Variants in ORC3 observed in about 807,000 individuals in gnomAD.
ORC3 encodes the protein homolog of latheo, Drosophila.
In ORC3, 78 loss-of-function variants were observed where a neutral mutation model predicts 100.7. The ratio of observed to expected loss-of-function variants is 0.77; its 90% confidence interval spans 0.65 to 0.94. The LOEUF (loss-of-function observed/expected upper bound fraction) is 0.94, where lower values mean the gene tolerates loss of function less well. ORC3 is among the 40% of genes least tolerant of loss of function. ORC3 has a pLI of 0.00. For missense variants in ORC3, 789 were observed against 823.9 expected (o/e 0.96, Z 0.52); for synonymous variants, 295 against 289.3 (o/e 1.02, Z -0.20).
At chr6:87,605,649 CAAA>C (rs936455645) in intron 4 of ORC3, among the ~76,000 whole-genome samples, 2 of 115,232 alleles carry the variant, frequency 1.7e-5, no homozygotes, top group Non-Finnish European at 3.7e-5. Context: ...GATTCTGTCT[CAAA>C]AAAAAAAAAA....
At chr6:87,620,764 G>A (rs1187165806) in intron 9 of ORC3, among the ~76,000 whole-genome samples, 1 of 152,106 alleles carries the variant, frequency 6.6e-6, no homozygotes, top group African/African-American at 2.4e-5. Flanking sequence ...CAAACTGAAT[G>A]TTAGAATCTG....
intron 13 of ORC3, among the ~76,000 whole-genome samples, 165 bp downstream of exon 13, chr6:87,636,651 T>C (rs16879646): frequency 0.075 from 11,391 of 152,318 alleles, 443 homozygotes; most frequent in East Asian, 0.095. Flanking sequence ...TTATGATGTT[T>C]TTAATATAGC....
intron 13 of ORC3, among the ~76,000 whole-genome samples, chr6:87,642,761 G>A (rs1001756102): frequency 1.3e-5 from 2 of 151,158 alleles, no homozygotes; most frequent in African/African-American, 2.4e-5. Context: ...AATTAGCCGG[G>A]TGTGGTGGCA....
intron 19 of ORC3, among the ~76,000 whole-genome samples, chr6:87,666,532 G>A (rs1013056590): frequency 9.6e-5 from 14 of 145,094 alleles, no homozygotes; most frequent in East Asian, 2.0e-4. Context: ...TCCACCTCCC[G>A]GGTTCAAGCG....
chr6:87,631,403 A>G (rs1426939746), intron 11 of ORC3, among the ~76,000 whole-genome samples: 1 of 152,234 alleles, frequency 6.6e-6, no homozygotes, highest in African/African-American at 2.4e-5. Flanking sequence ...AAAGTGCCTG[A>G]AGAAAAATTT....
At chr6:87,613,439 C>T (rs967552394) in intron 8 of ORC3, among the ~76,000 whole-genome samples, 3 of 152,176 alleles carry the variant, frequency 2.0e-5, no homozygotes, top group African/African-American at 4.8e-5. Context: ...TATCATTCTG[C>T]CCCTGGCCCC....
intron 7 of ORC3, among the ~76,000 whole-genome samples, chr6:87,609,721 T>G (rs1204045748): frequency 6.6e-6 from 1 of 151,882 alleles, no homozygotes; most frequent in African/African-American, 2.4e-5. Flanking sequence ...CTGGCTAATT[T>G]TTGTATTTTT....
At chr6:87,640,995 G>C (rs1419597706) in intron 13 of ORC3, among the ~76,000 whole-genome samples, 1 of 152,050 alleles carries the variant, frequency 6.6e-6, no homozygotes, top group African/African-American at 2.4e-5. Context: ...TCTAATCCCA[G>C]CTACTCGGGA....
At chr6:87,637,037 T>C (rs1302825626) in intron 13 of ORC3, among the ~76,000 whole-genome samples, 1 of 152,212 alleles carries the variant, frequency 6.6e-6, no homozygotes. Context: ...AAAGTTATTA[T>C]TTATATTCCT....
At chr6:87,642,930 A>G (rs569899592) in intron 13 of ORC3, among the ~76,000 whole-genome samples, 158 of 104,146 alleles carry the variant, frequency 1.5e-3, no homozygotes, top group African/African-American at 6.3e-3. Flanking sequence ...AAAAATAAAA[A>G]TAAAATGAAA....
At chr6:87,675,853 T>C in the ORC3 span, 3 of 1,611,126 alleles carry the variant, frequency 1.9e-6, no homozygotes, top group Non-Finnish European at 8.5e-7. Flanking sequence ...AAAGGTGAAA[T>C]ACTTACAGCT....
chr6:87,596,979 T>A (rs1777492014), intron 2 of ORC3, among the ~76,000 whole-genome samples: 1 of 152,210 alleles, frequency 6.6e-6, no homozygotes. Flanking sequence ...ATTAAGAAAC[T>A]GATATTAATA....
the ORC3 span, chr6:87,675,849 G>T: frequency 1.2e-6 from 2 of 1,610,350 alleles, no homozygotes; most frequent in Non-Finnish European, 1.7e-6. Flanking sequence ...CTTCAAAGGT[G>T]AAATACTTAC....
intron 11 of ORC3, among the ~76,000 whole-genome samples, chr6:87,626,978 A>T (rs1159809629): frequency 6.6e-6 from 1 of 151,772 alleles, no homozygotes; most frequent in Non-Finnish European, 1.5e-5. Context: ...AACACATTTT[A>T]TTTATTTATT....
chr6:87,675,871 T>C, the ORC3 span: 1 of 1,613,704 alleles, frequency 6.2e-7, no homozygotes, highest in Non-Finnish European at 8.5e-7. Context: ...GCTAGCAGGC[T>C]GTTCTCCATA....
intron 14 of ORC3, among the ~76,000 whole-genome samples, chr6:87,656,346 G>T (rs999951849): frequency 4.6e-5 from 7 of 152,082 alleles, no homozygotes; most frequent in Admixed American, 6.5e-5. Context: ...CCAGCACTTT[G>T]GGAGGCCAAA....
chr6:87,624,727 G>T (rs1021018903), intron 11 of ORC3, among the ~76,000 whole-genome samples: 14 of 151,844 alleles, frequency 9.2e-5, no homozygotes, highest in African/African-American at 3.4e-4. Context: ...AAGTTCTAGG[G>T]TACATATGCG....
chr6:87,653,058 T>G, intron 13 of ORC3, 58 bp from the exon 14 acceptor site: 5 of 1,361,616 alleles, frequency 3.7e-6, no homozygotes, highest in Non-Finnish European at 5.0e-6. Flanking sequence ...AAATAAAATG[T>G]TTTTTAAGTG....
At chr6:87,636,755 C>G (rs1767863661) in intron 13 of ORC3, among the ~76,000 whole-genome samples, 1 of 152,136 alleles carries the variant, frequency 6.6e-6, no homozygotes, top group African/African-American at 2.4e-5. Flanking sequence ...TGACACTACC[C>G]TAAGAGAGCT....
Sources: allele counts gnomAD v4.1 joint callset (sites outside exome capture counted in the v4.1 genomes callset), GRCh38; gene constraint gnomAD v4.1.1; transcripts MANE v1.5; gene names NCBI Gene and HGNC (gene_info 2026-07-23, HGNC 2026-07-21).